Variants in OSBPL5 observed in about 807,000 individuals in gnomAD.
OSBPL5 encodes oxysterol-binding protein-related protein 5.
Under a neutral mutation model 111.2 loss-of-function variants are expected in OSBPL5, and 71 were observed. The observed-to-expected ratio is 0.64, with a 90% CI of 0.53 to 0.78. The LOEUF (loss-of-function observed/expected upper bound fraction) is 0.78, where lower values mean the gene tolerates loss of function less well. Among genes scored for constraint, OSBPL5 ranks in the 30% least tolerant of loss-of-function variants. The pLI, the probability that OSBPL5 is intolerant of heterozygous loss-of-function variation, is 0.00. For synonymous variants in OSBPL5, 549 were observed against 513.9 expected (o/e 1.07, Z -0.93); for missense variants, 1,210 against 1,189.3 (o/e 1.02, Z -0.26).
At chr11:3,145,466 C>A (rs924434442) in intron 1 of OSBPL5, among the ~76,000 whole-genome samples, 1 of 152,236 alleles carries the variant, frequency 6.6e-6, no homozygotes, top group Non-Finnish European at 1.5e-5. Context: ...ACAGCCTCCA[C>A]TGAACCTTCT....
rs1858633824 is a variant in OSBPL5, at chr11:3,126,524, C to G, written c.168G>C (p.Leu56=). ...GKDMEPNGPS[L]PRDEGPPTPS... is the part of the protein sequence containing the mutation. ...GGGTCGGGGGCCCTTCATCCCTGGGCAGCGACGGGCCGTTGGGCTCCATGT... is the reference window on the plus strand; with the variant it reads ...GGGTCGGGGGCCCTTCATCCCTGGGGAGCGACGGGCCGTTGGGCTCCATGT... The change falls in exon 3 of 22, where the codon CTG becomes CTC. Residue 56 remains leucine (L), a synonymous_variant. Transcript: ENST00000263650. The surrounding 1 kb of genome is among the most constrained non-coding windows in gnomAD (Gnocchi z 6.5). The G allele has an allele frequency of 2.5e-6, 4 of 1,609,890 alleles. No homozygotes were observed. Among genetic ancestry groups the G allele is most frequent in the Non-Finnish European group, 3.4e-6 (4 of 1,178,786 alleles).
At chr11:3,112,011 G>GCA (rs1857974246) in intron 7 of OSBPL5, among the ~76,000 whole-genome samples, 4 of 130,460 alleles carry the variant, frequency 3.1e-5, no homozygotes, top group Non-Finnish European at 7.0e-5. Flanking sequence ...GTGTGTGTGC[G>GCA]CGCATGTGTG....
Position 3,122,065 on chromosome 11 carries a change from GC to G in OSBPL5, c.333del (p.Lys111AsnfsTer11). On this transcript the variant is annotated frameshift_variant, in exon 5 of 22. Coordinates refer to ENST00000263650, the MANE Select transcript of OSBPL5 (RefSeq NM_020896.4). LOFTEE classifies it high-confidence loss of function. ...GCGCTGAGCAGCTGCCGTGTGGCGC[GC>G]TTCTTCTCCTGCCGGTAGTTCTCCT... is the stretch of plus-strand genomic sequence containing the variant. ...AQKENYRQEK[K>X]RATRQLLSAL... 6.3e-7 allele frequency: 1 copy of G among 1,579,574 alleles called. No individual in the cohort carries two copies. Among genetic ancestry groups the G allele is most frequent in the African/African-American group, 1.3e-5 (1 of 74,654 alleles).
rs1220268067 is a variant in OSBPL5, at chr11:3,142,349, T to C, written c.-21-13180A>G. Among the ~76,000 whole-genome samples, 3 of 152,136 alleles carry C rather than the reference T, an allele frequency of 2.0e-5. No individual in the cohort carries two copies. The highest frequency in any genetic ancestry group is 4.4e-5 in the Non-Finnish European group (3 of 68,024). On this transcript the variant is annotated intron_variant, in intron 1 of 21. Transcript: ENST00000263650. The surrounding 1 kb of genome is among the most constrained non-coding windows in gnomAD (Gnocchi z 7.1). ...GCTGCCCACAGCTGGGGGAGTGCAA[T>C]GCCCAGATGGTCCAAGAGAACACTT...
In OSBPL5 at chr11:3,159,201, G is replaced by A. The variant is rs557504594; in HGVS notation, c.-22+6015C>T. 2.6e-5 allele frequency among the ~76,000 whole-genome samples: 4 copies of A among 152,314 alleles called. No individual in the cohort carries two copies. The East Asian group carries it at 7.7e-4, about 29-fold the overall frequency. On this transcript the variant is annotated intron_variant, in intron 1 of 21. Coordinates refer to ENST00000263650, the MANE Select transcript of OSBPL5 (RefSeq NM_020896.4). ...AACATGAGGGTCGGTTTCTGCCCAG[G>A]AGACAGGTATGTTCTTGAGGCGGGC...
chr11:3,107,401 C>T lies in OSBPL5; in HGVS notation c.921G>A (p.Glu307=). The T allele has an allele frequency of 6.2e-7, 1 of 1,614,072 alleles. No individual in the cohort carries two copies. The highest frequency in any genetic ancestry group is 8.5e-7 in the Non-Finnish European group (1 of 1,179,988). The change falls in exon 9 of 22, where the codon GAG becomes GAA. Residue 307 remains glutamate (E), a synonymous_variant. Transcript: ENST00000263650. This position sits in a 1 kb window ranked among gnomAD's most constrained non-coding sequence, Gnocchi z 6.1. ...TCTCGGTATCTGACTCCTCAGGGTT[C>T]TCTCTCTCCGACTTGTCTGAGAATG... ...NDAFSDKSER[E]NPEESDTETQ...
At chr11:3,159,698 G>C (rs942600973) in intron 1 of OSBPL5, among the ~76,000 whole-genome samples, 1 of 152,162 alleles carries the variant, frequency 6.6e-6, no homozygotes, top group Non-Finnish European at 1.5e-5. Context: ...CCAGGGCCAC[G>C]GCTGGGTGGG....
chr11:3,102,159 C>G, intron 12 of OSBPL5, 24 bp downstream of exon 12: 1 of 1,568,734 alleles, frequency 6.4e-7, no homozygotes, highest in Non-Finnish European at 8.6e-7. Context: ...GCACCCAGGC[C>G]GGTTGCAGCA....
intron 6 of OSBPL5, chr11:3,120,118 C>T (rs1315052656): frequency 2.3e-5 from 12 of 523,534 alleles, no homozygotes; most frequent in South Asian, 1.3e-4. Flanking sequence ...GGGGTGAGGG[C>T]TGGGCGCTGT....
In OSBPL5 at chr11:3,087,279, T is replaced by C. The variant is rs1856903751; in HGVS notation, c.*926A>G. The C allele has an allele frequency of 6.5e-6, 1 of 153,364 alleles. No homozygotes were observed. The highest frequency in any genetic ancestry group is 1.5e-5 in the Non-Finnish European group (1 of 68,308). 9.5% of individuals were successfully genotyped at this position (153,364 alleles called of 1,614,324 possible). On this transcript the variant is annotated 3_prime_UTR_variant, in exon 22 of 22. Coordinates refer to ENST00000263650, the MANE Select transcript of OSBPL5 (RefSeq NM_020896.4). ...GATGTGGTTTAAGGCTCTGTACGTA[T>C]ATATATGTGTAGAGGCTCACACACG...
At chr11:3,101,550 C>A in intron 13 of OSBPL5, 53 bp downstream of exon 13, 3 of 1,527,802 alleles carry the variant, frequency 2.0e-6, no homozygotes, top group Non-Finnish European at 2.7e-6. Context: ...GGAGTCCTCC[C>A]GACCATCGCA....
chr11:3,144,196 G>A (rs1010995244), intron 1 of OSBPL5, among the ~76,000 whole-genome samples: 1 of 152,180 alleles, frequency 6.6e-6, no homozygotes, highest in African/African-American at 2.4e-5. Context: ...GGAAGTGACA[G>A]GCAGGTGGGG....
In OSBPL5 at chr11:3,110,947, A is replaced by T. The variant is rs953796340; in HGVS notation, c.692-3002T>A. Among the ~76,000 whole-genome samples, 2 of 152,164 alleles carry T rather than the reference A, an allele frequency of 1.3e-5. No individual in the cohort carries two copies. Among genetic ancestry groups the T allele is most frequent in the Non-Finnish European group, 2.9e-5 (2 of 68,032 alleles). Reference sequence around the variant, plus strand: ...CAGGTAGGCGTCTTCAACCTTGGCAAAATAAACTTTCTAAATTAACTGAGA... The same window carrying T: ...CAGGTAGGCGTCTTCAACCTTGGCATAATAAACTTTCTAAATTAACTGAGA... On this transcript the variant is annotated intron_variant, in intron 7 of 21. Transcript: ENST00000263650. This position sits in a 1 kb window ranked among gnomAD's most constrained non-coding sequence, Gnocchi z 5.3.
At position 3,120,548 on chromosome 11, in the gene OSBPL5, G is replaced by C. The variant is rs374835978; in HGVS notation, c.479C>G (p.Pro160Arg). The C allele has an allele frequency of 9.9e-6, 16 of 1,613,186 alleles. No homozygotes were observed. Among genetic ancestry groups the C allele is most frequent in the African/African-American group, 1.3e-5 (1 of 74,930 alleles). Residue 160 changes from proline (P) to arginine (R), a missense_variant, in exon 6 of 22, where the codon CCC becomes CGC. Coordinates refer to ENST00000263650, the MANE Select transcript of OSBPL5 (RefSeq NM_020896.4). The part of the protein sequence containing the change: ...KPGVLLIYKT[P>R]KVGQWVGTVL... Reference sequence around the variant, plus strand: ...CGTGCCCACCCACTGGCCCACCTTGGGCGTCTTGTAGATGAGCAGCACCCC... The same window carrying C: ...CGTGCCCACCCACTGGCCCACCTTGCGCGTCTTGTAGATGAGCAGCACCCC...
chr11:3,147,696 G>T (rs1846404638), intron 1 of OSBPL5, among the ~76,000 whole-genome samples: 1 of 152,244 alleles, frequency 6.6e-6, no homozygotes, highest in African/African-American at 2.4e-5. Flanking sequence ...CGGACGGCTG[G>T]CAGAGGCATT....
chr11:3,103,927 A>C (rs566341539), intron 10 of OSBPL5, among the ~76,000 whole-genome samples: 13 of 132,290 alleles, frequency 9.8e-5, no homozygotes, highest in Non-Finnish European at 1.2e-4. Flanking sequence ...TCTGCAGCCC[A>C]TCCCATCCAG....
intron 10 of OSBPL5, among the ~76,000 whole-genome samples, chr11:3,103,738 C>G (rs1256505256): frequency 1.1e-4 from 6 of 57,072 alleles, no homozygotes; most frequent in Admixed American, 1.9e-4. Flanking sequence ...CCCTTCCTGC[C>G]TCTGCAACCC....
At chr11:3,088,414 A>G (rs2134374163) in intron 21 of OSBPL5, 71 bp from the exon 22 acceptor site, 3 of 1,402,662 alleles carry the variant, frequency 2.1e-6, no homozygotes, top group Non-Finnish European at 1.9e-6. Flanking sequence ...AAGCCAGGAC[A>G]GTGCCCTGGG....
intron 7 of OSBPL5, among the ~76,000 whole-genome samples, chr11:3,108,271 C>G (rs1354131663): frequency 2.0e-5 from 3 of 151,986 alleles, no homozygotes; most frequent in East Asian, 1.9e-4. Context: ...CCCCACGCAC[C>G]TCCACCACCC....
Sources: gnomAD v4.1 joint callset for allele counts (sites outside exome capture counted in the v4.1 genomes callset) on GRCh38, gnomAD v4.1.1 for gene constraint, Gnocchi (gnomAD v3.1) non-coding constraint, MANE v1.5 for transcripts, NCBI Gene and HGNC (gene_info 2026-07-23, HGNC 2026-07-21) for gene names.